TRPM3: variants seen among roughly 807,000 people sequenced by gnomAD.
TRPM3 encodes the protein transient receptor potential cation channel subfamily M member 3.
TRPM3 carries 77 observed loss-of-function variants against 181.2 expected under a neutral mutation model. The ratio of observed to expected loss-of-function variants is 0.42; its 90% CI spans 0.35 to 0.51. TRPM3 has a LOEUF of 0.51. TRPM3 is among the 20% of genes least tolerant of loss of function. The pLI, the probability that TRPM3 is intolerant of heterozygous loss-of-function variation, is 0.01. For synonymous variants in TRPM3, 745 were observed against 796.4 expected (o/e 0.94, Z 1.09); for missense variants, 1,759 against 2,196.7 (o/e 0.80, Z 3.98).
chr9:71,177,932 CA>C (rs10717759), intron 1 of TRPM3, among the ~76,000 whole-genome samples: 43,844 of 123,510 alleles, frequency 0.35, 6,478 homozygotes, highest in Middle Eastern at 0.55. Flanking sequence ...TGCTCAAAGC[CA>C]AAAAAAAAAA....
At chr9:71,122,151 G>A (rs538910602), upstream of TRPM3, among the ~76,000 whole-genome samples, 3 of 152,130 alleles carry the variant, frequency 2.0e-5, no homozygotes, top group Non-Finnish European at 4.4e-5. Flanking sequence ...ACTTGATACC[G>A]CTTCTCTGCA....
intron 3 of TRPM3, among the ~76,000 whole-genome samples, chr9:70,850,753 T>A (rs1217177354): frequency 1.3e-5 from 2 of 152,322 alleles, no homozygotes; most frequent in East Asian, 3.9e-4. Flanking sequence ...GATTATTTAG[T>A]AAAATAAAGT....
At chr9:70,802,492 G>A (rs138860980) in intron 6 of TRPM3, among the ~76,000 whole-genome samples, 7 of 152,250 alleles carry the variant, frequency 4.6e-5, no homozygotes, top group African/African-American at 1.7e-4. Flanking sequence ...GTTGTAGTTT[G>A]TTCACCTCTG....
intron 1 of TRPM3, among the ~76,000 whole-genome samples, chr9:71,274,260 A>G (rs1354338868): frequency 6.6e-6 from 1 of 152,230 alleles, no homozygotes; most frequent in Non-Finnish European, 1.5e-5. Flanking sequence ...TCTACTCTAC[A>G]GAAAACCCTC....
intron 1 of TRPM3, among the ~76,000 whole-genome samples, chr9:71,151,321 A>G (rs2075725245): frequency 6.6e-6 from 1 of 152,098 alleles, no homozygotes; most frequent in Admixed American, 6.6e-5. Flanking sequence ...AATCCAAGAG[A>G]AAAATGGGCA....
chr9:71,190,196 A>C (rs957295161), intron 1 of TRPM3, among the ~76,000 whole-genome samples: 10 of 151,878 alleles, frequency 6.6e-5, no homozygotes, highest in Non-Finnish European at 1.2e-4. Flanking sequence ...ATAGCTGCGC[A>C]ATGTGGGCAA....
chr9:71,322,726 G>C (rs1195610291), intron 1 of TRPM3, among the ~76,000 whole-genome samples: 1 of 152,054 alleles, frequency 6.6e-6, no homozygotes, highest in Non-Finnish European at 1.5e-5. Flanking sequence ...TAAACTAGTT[G>C]ATATTTTTGG....
At chr9:71,099,308 C>T (rs1456226567) in intron 1 of TRPM3, among the ~76,000 whole-genome samples, 1 of 152,084 alleles carries the variant, frequency 6.6e-6, no homozygotes, top group Non-Finnish European at 1.5e-5. Context: ...TTCTTTATGA[C>T]CTAGTTACCT....
intron 1 of TRPM3, among the ~76,000 whole-genome samples, chr9:71,162,221 G>GAAGAAA (rs1178618918): frequency 2.7e-5 from 3 of 109,448 alleles, no homozygotes; most frequent in African/African-American, 9.7e-5. Flanking sequence ...AAAAAAAAAA[G>GAAGAAA]AAGAAAAAGA....
intron 22 of TRPM3, among the ~76,000 whole-genome samples, chr9:70,561,225 C>T (rs62543259): frequency 0.23 from 34,897 of 152,084 alleles, 4,770 homozygotes; most frequent in Admixed American, 0.3. Context: ...AGGATTTCTC[C>T]ACCTCCTTTT....
chr9:71,418,449 T>C (rs2093671045), intron 1 of TRPM3, among the ~76,000 whole-genome samples: 2 of 151,798 alleles, frequency 1.3e-5, no homozygotes, highest in African/African-American at 4.8e-5. Flanking sequence ...GGCAGCCTGA[T>C]TGTTCACATT....
intron 19 of TRPM3, among the ~76,000 whole-genome samples, chr9:70,607,065 C>A (rs1445354301): frequency 6.6e-6 from 1 of 152,110 alleles, no homozygotes; most frequent in African/African-American, 2.4e-5. Context: ...CAGATGGATA[C>A]CTGAAATAGG....
chr9:71,066,070 T>C (rs749172337), intron 1 of TRPM3, among the ~76,000 whole-genome samples: 14 of 152,150 alleles, frequency 9.2e-5, no homozygotes, highest in Admixed American at 2.0e-4. Flanking sequence ...TGGCCCCTAG[T>C]CACCCAGATT....
chr9:71,013,236 A>G (rs2097759699), intron 1 of TRPM3, among the ~76,000 whole-genome samples: 1 of 152,226 alleles, frequency 6.6e-6, no homozygotes, highest in African/African-American at 2.4e-5. Flanking sequence ...ATTTACAACT[A>G]TAGTAAATTA....
At chr9:71,260,911 G>C (rs2083008695) in intron 1 of TRPM3, among the ~76,000 whole-genome samples, 2 of 151,960 alleles carry the variant, frequency 1.3e-5, no homozygotes, top group Non-Finnish European at 2.9e-5. Context: ...GGTAACCCAA[G>C]ATTTCTCTCT....
intron 1 of TRPM3, among the ~76,000 whole-genome samples, chr9:71,344,247 C>T (rs1050863749): frequency 3.9e-5 from 6 of 151,968 alleles, no homozygotes; most frequent in Admixed American, 3.3e-4. Flanking sequence ...GTCAAGAGTT[C>T]GAGACCAGCC....
chr9:70,764,276 A>C (rs776423839), intron 7 of TRPM3, among the ~76,000 whole-genome samples: 6 of 152,186 alleles, frequency 3.9e-5, no homozygotes. Context: ...GGATGAGTCT[A>C]TAGAGCTCTT....
At chr9:70,802,124 T>C (rs1313521259) in intron 6 of TRPM3, among the ~76,000 whole-genome samples, 2 of 152,166 alleles carry the variant, frequency 1.3e-5, no homozygotes, top group East Asian at 3.9e-4. Context: ...AACAGTGTCC[T>C]AGCGTAAAGC....
chr9:71,377,771 T>C (rs2092701173), intron 1 of TRPM3, among the ~76,000 whole-genome samples: 1 of 151,944 alleles, frequency 6.6e-6, no homozygotes, highest in Non-Finnish European at 1.5e-5. Context: ...AAGAAAAAAA[T>C]AGGACATTAG....
Sources: allele counts gnomAD v4.1 joint callset (sites outside exome capture counted in the v4.1 genomes callset), GRCh38; gene constraint gnomAD v4.1.1; transcripts MANE v1.5; gene names NCBI Gene and HGNC (gene_info 2026-07-23, HGNC 2026-07-21).